SPAG16: variants seen among roughly 807,000 people sequenced by gnomAD.
SPAG16 encodes the protein sperm associated antigen 16.
In SPAG16, 86 loss-of-function variants were observed where a neutral mutation model predicts 80.4. The observed-to-expected ratio is 1.07, with a 90% CI of 0.90 to 1.28. The LOEUF (loss-of-function observed/expected upper bound fraction) is 1.28, where lower values mean the gene tolerates loss of function less well. Among genes scored for constraint, SPAG16 ranks in the 50% most tolerant of loss-of-function variants. SPAG16 has a pLI of 0.00. For synonymous variants in SPAG16, 294 were observed against 265.9 expected, an observed-to-expected ratio of 1.11 and a Z score of -1.03; for missense variants, 870 against 765.3, an observed-to-expected ratio of 1.14 and a Z score of -1.61.
intron 12 of SPAG16, among the ~76,000 whole-genome samples, chr2:213,976,166 A>G (rs1197752800): frequency 6.7e-6 from 1 of 148,854 alleles, no homozygotes; most frequent in Admixed American, 6.7e-5. Context: ...GTATGTATAT[A>G]CATATATATA....
At chr2:214,179,007 A>G (rs1333872789) in intron 15 of SPAG16, among the ~76,000 whole-genome samples, 1 of 151,414 alleles carries the variant, frequency 6.6e-6, no homozygotes, top group Non-Finnish European at 1.5e-5. Context: ...CCACTCTACA[A>G]TCTACAATCA....
At chr2:214,017,080 G>T (rs2047626994) in intron 13 of SPAG16, among the ~76,000 whole-genome samples, 1 of 152,104 alleles carries the variant, frequency 6.6e-6, no homozygotes, top group African/African-American at 2.4e-5. Context: ...AACTAAGGTA[G>T]AGCTACCCAT....
chr2:213,864,589 T>C (rs1256884569), intron 11 of SPAG16, among the ~76,000 whole-genome samples: 1 of 152,082 alleles, frequency 6.6e-6, no homozygotes, highest in Non-Finnish European at 1.5e-5. Context: ...ACAAGACACA[T>C]ATACTTTTTC....
At chr2:213,636,500 G>T (rs2062369181) in intron 10 of SPAG16, among the ~76,000 whole-genome samples, 1 of 152,106 alleles carries the variant, frequency 6.6e-6, no homozygotes, top group Non-Finnish European at 1.5e-5. Context: ...GAATGATGTT[G>T]GTATTTTGAT....
chr2:214,291,898 C>T (rs1043058565), intron 15 of SPAG16, among the ~76,000 whole-genome samples: 15 of 152,106 alleles, frequency 9.9e-5, no homozygotes, highest in Non-Finnish European at 1.5e-4. Context: ...GTTGTCTTTT[C>T]GCTTCCAGAT....
Position 213,902,750 on chromosome 2 carries a change from C to G in SPAG16, c.1215-27210C>G, listed in dbSNP as rs147864673. On this transcript the variant is annotated intron_variant, in intron 11 of 15. Transcript: ENST00000331683. ...AGTCTTAACTCATCTCAGCATTAAC[C>G]CAAAAGTCCACAGTCCAAAGTCTCA... is the stretch of plus-strand genomic sequence containing the variant. Among the ~76,000 whole-genome samples, 812 of 152,248 alleles carry G rather than the reference C, an allele frequency of 5.3e-3. 14 individuals are homozygous for G. Among genetic ancestry groups the G allele is most frequent in the East Asian group, 0.042 (216 of 5,164 alleles).
intron 13 of SPAG16, among the ~76,000 whole-genome samples, chr2:214,041,968 G>A (rs865903292): frequency 9.8e-5 from 7 of 71,492 alleles, no homozygotes; most frequent in African/African-American, 1.3e-4. Flanking sequence ...ATATTTGTGT[G>A]TCTGTGTGTG....
intron 13 of SPAG16, among the ~76,000 whole-genome samples, chr2:214,023,066 A>G (rs1374848055): frequency 1.3e-5 from 2 of 151,888 alleles, no homozygotes; most frequent in Non-Finnish European, 2.9e-5. Flanking sequence ...CCCGTTCTCA[A>G]TTATCCCATT....
At chr2:213,578,098 C>CA (rs201240536) in intron 10 of SPAG16, among the ~76,000 whole-genome samples, 2,797 of 150,756 alleles carry the variant, frequency 0.019, 68 homozygotes, top group African/African-American at 0.051. Flanking sequence ...TTTAAAACAT[C>CA]AAAAAAAAAT....
chr2:213,907,076 C>T (rs1049346683), intron 11 of SPAG16, among the ~76,000 whole-genome samples: 8 of 152,070 alleles, frequency 5.3e-5, no homozygotes, highest in Non-Finnish European at 1.2e-4. Context: ...AAGAGATAAC[C>T]TGTTGAATGG....
At chr2:214,376,613 A>G (rs1304369850) in intron 15 of SPAG16, among the ~76,000 whole-genome samples, 1 of 152,158 alleles carries the variant, frequency 6.6e-6, no homozygotes, top group Non-Finnish European at 1.5e-5. Context: ...GATATCTCTG[A>G]TTAAAAAGAG....
intron 10 of SPAG16, among the ~76,000 whole-genome samples, chr2:213,816,421 G>A (rs2125680953): frequency 6.6e-6 from 1 of 152,134 alleles, no homozygotes; most frequent in Middle Eastern, 3.4e-3. Context: ...CATTTCTGAT[G>A]GGCGTGCTTC....
At chr2:214,173,693 G>C in intron 15 of SPAG16, among the ~76,000 whole-genome samples, 1 of 151,912 alleles carries the variant, frequency 6.6e-6, no homozygotes, top group East Asian at 1.9e-4. Context: ...CCAATCAATA[G>C]AAAAAGAGGG....
chr2:213,382,991 G>A (rs1345225296), intron 9 of SPAG16, among the ~76,000 whole-genome samples: 1 of 152,120 alleles, frequency 6.6e-6, no homozygotes, highest in Non-Finnish European at 1.5e-5. Flanking sequence ...CTCATAACAA[G>A]TAGTAGAGGG....
intron 13 of SPAG16, among the ~76,000 whole-genome samples, chr2:214,097,737 G>A (rs1032500688): frequency 2.0e-5 from 3 of 151,906 alleles, no homozygotes; most frequent in Non-Finnish European, 2.9e-5. Context: ...ATTCATCGTT[G>A]TGGTTATAAT....
intron 15 of SPAG16, among the ~76,000 whole-genome samples, chr2:214,394,308 CT>C (rs201467617): frequency 1.3e-4 from 20 of 150,812 alleles, no homozygotes; most frequent in African/African-American, 2.4e-4. Context: ...TAGCTTGTTA[CT>C]TTTTTTTTGA....
chr2:213,597,221 G>T (rs1433432323), intron 10 of SPAG16, among the ~76,000 whole-genome samples: 1 of 152,012 alleles, frequency 6.6e-6, no homozygotes, highest in Non-Finnish European at 1.5e-5. Flanking sequence ...CATGTTGATT[G>T]GTAATTCAAC....
intron 10 of SPAG16, among the ~76,000 whole-genome samples, chr2:213,796,413 T>G (rs1257729386): frequency 6.6e-6 from 1 of 152,224 alleles, no homozygotes; most frequent in Non-Finnish European, 1.5e-5. Context: ...ATGTCTGAAT[T>G]ATTTCATTGA....
chr2:214,227,327 G>A (rs1277149950), intron 15 of SPAG16, among the ~76,000 whole-genome samples: 1 of 151,942 alleles, frequency 6.6e-6, no homozygotes, highest in African/African-American at 2.4e-5. Flanking sequence ...ATTAGAAACA[G>A]TTTTAATATT....
Sources: gnomAD v4.1 joint callset for allele counts (sites outside exome capture counted in the v4.1 genomes callset) on GRCh38, gnomAD v4.1.1 for gene constraint, MANE v1.5 for transcripts, NCBI Gene and HGNC (gene_info 2026-07-23, HGNC 2026-07-21) for gene names.